Variants in FNDC1 observed in about 807,000 individuals in gnomAD.
The protein encoded by FNDC1 is fibronectin type III domain-containing protein 1.
In FNDC1, 96 loss-of-function variants were observed where a neutral mutation model predicts 168.0. That is an observed-to-expected ratio of 0.57 (90% confidence interval 0.48 to 0.68). The LOEUF is 0.68. Among genes scored for constraint, FNDC1 ranks in the 30% least tolerant of loss-of-function variants. The pLI is 0.00. For missense variants in FNDC1, 2,587 were observed against 2,482.1 expected (o/e 1.04, Z -0.90); for synonymous variants, 1,099 against 1,025.9 (o/e 1.07, Z -1.36).
chr6:159,244,517 TTGC>T (rs2115006809), intron 14 of FNDC1, among the ~76,000 whole-genome samples: 1 of 152,324 alleles, frequency 6.6e-6, no homozygotes. Flanking sequence ...CTACTCGAGG[TTGC>T]CATTGCCCTT....
Position 159,232,841 on chromosome 6 carries a change from G to T in FNDC1, c.2329G>T (p.Val777Phe), listed in dbSNP as rs372842036. The change falls in exon 11 of 23, where the codon GTC becomes TTC. Residue 777 changes from valine (V) to phenylalanine (F), a missense_variant. Physicochemically the swap from Val to Phe is conservative, Grantham distance 50. Coordinates refer to ENST00000297267, the MANE Select transcript of FNDC1 (RefSeq NM_032532.3). This position sits in a 1 kb window ranked among gnomAD's most constrained non-coding sequence, Gnocchi z 4.9. ...VSSHLSSRTQ[V>F]SEGAEASDGE... ...TTCTCATCTCTCGTCCAGGACGCAG[G>T]TCTCTGAGGGAGCGGAGGCTTCTGA... The T allele has an allele frequency of 6.2e-7, 1 of 1,613,770 alleles. No individual in the cohort carries two copies. The highest frequency in any genetic ancestry group is 1.3e-5 in the African/African-American group (1 of 74,942).
At chr6:159,215,467 G>A (rs201904328) in intron 5 of FNDC1, among the ~76,000 whole-genome samples, 1 of 152,162 alleles carries the variant, frequency 6.6e-6, no homozygotes, top group African/African-American at 2.4e-5. Context: ...GGCTGTTTTT[G>A]TCATTTTGTT....
rs1401247526 is a variant in FNDC1, at chr6:159,233,385, C to T, written c.2873C>T (p.Ala958Val). The T allele has an allele frequency of 4.3e-6, 7 of 1,613,640 alleles. No individual in the cohort carries two copies. Among genetic ancestry groups the T allele is most frequent in the Non-Finnish European group, 5.9e-6 (7 of 1,179,816 alleles). The change falls in exon 11 of 23, where the codon GCG becomes GTG. Residue 958 changes from alanine (A) to valine (V), a missense_variant. Coordinates refer to ENST00000297267, the MANE Select transcript of FNDC1 (RefSeq NM_032532.3). This position sits in a 1 kb window ranked among gnomAD's most constrained non-coding sequence, Gnocchi z 4.6. Reference protein sequence around the residue: ...KAQDVQQSTDADTEGHSPKAQ... With the variant: ...KAQDVQQSTDVDTEGHSPKAQ... ...CAGGATGTTCAACAGAGCACAGACG[C>T]GGACACGGAGGGTCATTCTCCCAAA...
At position 159,233,354 on chromosome 6, in the gene FNDC1, A is replaced by C; in HGVS notation, c.2842A>C (p.Lys948Gln). The change falls in exon 11 of 23, where the codon AAG (lysine) becomes CAG (glutamine). Residue 948 changes from lysine (K) to glutamine (Q), a missense_variant. Physicochemically the swap from Lys to Gln is moderately conservative, Grantham distance 53. Transcript: ENST00000297267. The surrounding 1 kb of genome is among the most constrained non-coding windows in gnomAD (Gnocchi z 4.6). ...PQGKYSSLAS[K>Q]AQDVQQSTDA... ...GGGCAAGTACTCCTCCCTGGCCTCCAAGGCTCAGGATGTTCAACAGAGCAC... is the reference window on the plus strand; with the variant it reads ...GGGCAAGTACTCCTCCCTGGCCTCCCAGGCTCAGGATGTTCAACAGAGCAC... 1 of 1,613,922 alleles carries C rather than the reference A, an allele frequency of 6.2e-7. No homozygotes were observed. Among genetic ancestry groups the C allele is most frequent in the Non-Finnish European group, 8.5e-7 (1 of 1,179,848 alleles).
rs200720425 is a variant in FNDC1, at chr6:159,229,836, C to T, written c.1202C>T (p.Pro401Leu). 289 of 1,612,760 alleles carry T rather than the reference C, an allele frequency of 1.8e-4. 1 individual carries two copies. Among genetic ancestry groups the T allele is most frequent in the Non-Finnish European group, 2.3e-4 (275 of 1,179,368 alleles). The change falls in exon 10 of 23, where the codon CCG becomes CTG. Residue 401 changes from proline (P) to leucine (L), a missense_variant. Pro to Leu is a moderately conservative substitution (Grantham distance 98, BLOSUM62 -3). Coordinates refer to ENST00000297267, the MANE Select transcript of FNDC1 (RefSeq NM_032532.3). ...KVKEYILSYAPALKPFGAKSL... is the reference protein window; with the variant it reads ...KVKEYILSYALALKPFGAKSL... ...TCAGAATACATTCTTTCATACGCCC[C>T]GGCTCTCAAACCATTTGGAGCAAAG... is the stretch of plus-strand genomic sequence containing the variant.
rs1349490350 is a variant in FNDC1 at position 159,195,106 on chromosome 6, T to G, written c.110-2325T>G. On this transcript the variant is annotated intron_variant, in intron 1 of 22. Transcript: ENST00000297267. ...GAGAACCTTAAATTCAGAGTTGATC[T>G]TATAAGGAGATTGACGGTAAGGTTG... is the stretch of plus-strand genomic sequence containing the variant. Among the ~76,000 whole-genome samples, 4 of 152,080 alleles carry G rather than the reference T, an allele frequency of 2.6e-5. No individual in the cohort carries two copies. The East Asian group carries it at 7.7e-4, about 29-fold the overall frequency.
Position 159,233,581 on chromosome 6 carries a change from CGCGGGTCGGTCACCT to C in FNDC1, c.3070_3084del (p.Ala1024_Pro1028del), listed in dbSNP as rs1562301023. 6.3e-7 allele frequency: 1 copy of C among 1,585,850 alleles called. No individual in the cohort carries two copies. Among genetic ancestry groups the C allele is most frequent in the Non-Finnish European group, 8.6e-7 (1 of 1,169,540 alleles). On this transcript the variant is annotated inframe_deletion, in exon 11 of 23. Coordinates refer to ENST00000297267, the MANE Select transcript of FNDC1 (RefSeq NM_032532.3). This position sits in a 1 kb window ranked among gnomAD's most constrained non-coding sequence, Gnocchi z 4.6. ...ACCACCCGGGACCCCAGAGCAGAGACGCGGGTCGGTCACCTTCCCAGCCCAGGCTCTCACTGACCC... is the reference window on the plus strand; with the variant it reads ...ACCACCCGGGACCCCAGAGCAGAGACTCCCAGCCCAGGCTCTCACTGACCC...
intron 1 of FNDC1, among the ~76,000 whole-genome samples, chr6:159,188,674 G>A (rs571115443): frequency 3.2e-4 from 48 of 151,940 alleles, no homozygotes; most frequent in Admixed American, 2.2e-3. Context: ...CACTGCGCCC[G>A]GCCGCCTCAA....
rs1159516066 is a variant in FNDC1 at position 159,215,540 on chromosome 6, G to A, written c.667+389G>A. Among the ~76,000 whole-genome samples the A allele has an allele frequency of 3.9e-5, 6 of 152,198 alleles. 1 individual carries two copies. The highest frequency in any genetic ancestry group is 2.0e-4 in the Admixed American group (3 of 15,292). ...CTTGGGTCCCATTAAGATGAGACAT[G>A]GTAGCCGAGTGAAACTGCAAGTCAG... On this transcript the variant is annotated intron_variant, in intron 5 of 22. Coordinates refer to ENST00000297267, the MANE Select transcript of FNDC1 (RefSeq NM_032532.3).
rs1783092786 is a variant in FNDC1, at chr6:159,232,039, G to C, written c.1527G>C (p.Leu509Phe). 1 of 1,613,798 alleles carries C rather than the reference G, an allele frequency of 6.2e-7. No homozygotes were observed. Among genetic ancestry groups the C allele is most frequent in the South Asian group, 1.1e-5 (1 of 91,074 alleles). The change falls in exon 11 of 23, where the codon TTG becomes TTC. Residue 509 changes from leucine (L) to phenylalanine (F), a missense_variant. Leu to Phe is a conservative substitution (Grantham distance 22). Transcript: ENST00000297267. The surrounding 1 kb of genome is among the most constrained non-coding windows in gnomAD (Gnocchi z 4.9). ...GRNAKDLLLD[L>F]KNKILANGGA... ...ATGCCAAGGACCTTCTTCTTGACTT[G>C]AAGAACAAAATATTGGCTAATGGTG...
rs1782682711 is a variant in FNDC1, at chr6:159,215,050, G to A, written c.566G>A (p.Arg189His). Residue 189 changes from arginine (R) to histidine (H), a missense_variant, in exon 5 of 23, where the codon CGC (arginine) becomes CAC (histidine). Physicochemically the swap from Arg to His is conservative, Grantham distance 29. Coordinates refer to ENST00000297267, the MANE Select transcript of FNDC1 (RefSeq NM_032532.3). ...CGCCTGTCTGGAGCCAAGAGTCCAC[G>A]CAGATCACGGGGTTTTCTCCTGGGC... is the stretch of plus-strand genomic sequence containing the variant. The part of the protein sequence containing the change: ...APRLSGAKSP[R>H]RSRGFLLGYG... 6 of 1,614,000 alleles carry A rather than the reference G, an allele frequency of 3.7e-6. 1 individual carries two copies. The East Asian group carries it at 1.3e-4, about 36-fold the overall frequency.
intron 4 of FNDC1, among the ~76,000 whole-genome samples, chr6:159,202,228 A>G (rs1005048989): frequency 6.6e-6 from 1 of 152,258 alleles, no homozygotes; most frequent in African/African-American, 2.4e-5. Context: ...TTAAAACAAC[A>G]ACAACGACAA....
chr6:159,219,975 T>G (rs1782786639), intron 5 of FNDC1, among the ~76,000 whole-genome samples: 1 of 152,196 alleles, frequency 6.6e-6, no homozygotes, highest in African/African-American at 2.4e-5. Context: ...ATATAGAAGC[T>G]TAGTTTGATG....
chr6:159,184,392 T>C (rs1195415236), intron 1 of FNDC1, among the ~76,000 whole-genome samples: 2 of 152,200 alleles, frequency 1.3e-5, no homozygotes, highest in African/African-American at 2.4e-5. Flanking sequence ...AAACTCTTAG[T>C]TTATTAGGTG....
intron 7 of FNDC1, among the ~76,000 whole-genome samples, chr6:159,224,597 T>C (rs1368692004): frequency 6.6e-6 from 1 of 152,204 alleles, no homozygotes; most frequent in East Asian, 1.9e-4. Flanking sequence ...AGCAATTCTC[T>C]CCCTAGCCAT....
At chr6:159,211,631 C>G (rs1236311032) in intron 4 of FNDC1, among the ~76,000 whole-genome samples, 1 of 152,010 alleles carries the variant, frequency 6.6e-6, no homozygotes, top group Non-Finnish European at 1.5e-5. Context: ...ATTCACGGCT[C>G]CCATTCTGAA....
rs1436260671 is a variant in FNDC1 at position 159,199,978 on chromosome 6, A to G, written c.305-18A>G. ...TGGAGATCTGAATTGGTGGCTTGAT[A>G]TGAACCGTATGTTTCAGAGCCGGGG... On this transcript the variant is annotated intron_variant, in intron 2 of 22. Coordinates refer to ENST00000297267, the MANE Select transcript of FNDC1 (RefSeq NM_032532.3). 1.3e-6 allele frequency: 2 copies of G among 1,591,794 alleles called. No homozygotes were observed. The highest frequency in any genetic ancestry group is 2.3e-5 in the East Asian group (1 of 44,166).
intron 1 of FNDC1, among the ~76,000 whole-genome samples, chr6:159,193,182 A>G (rs547000306): frequency 6.6e-6 from 1 of 152,222 alleles, no homozygotes; most frequent in South Asian, 2.1e-4. Flanking sequence ...CAATTAATAC[A>G]CAATTGGGAG....
Position 159,269,514 on chromosome 6 carries a change from GCATCCATCCATCCATC to G in FNDC1, c.5569+1629_5569+1644del, listed in dbSNP as rs1159382501. 6.0e-3 allele frequency among the ~76,000 whole-genome samples: 515 copies of G among 86,066 alleles called. 4 individuals carry two copies. The highest frequency in any genetic ancestry group is 7.0e-3 in the Non-Finnish European group (289 of 41,438). 56.5% of individuals were successfully genotyped at this position (86,066 alleles called of 152,430 possible). A position where few individuals can be genotyped will look rare whatever the true frequency, so the allele number is the denominator to read the frequency against. On this transcript the variant is annotated intron_variant, in intron 22 of 22. Coordinates refer to ENST00000297267, the MANE Select transcript of FNDC1 (RefSeq NM_032532.3). ...TCTATCTATCTATCCATCCATCCAT[GCATCCATCCATCCATC>G]CATCCATCCATCCATCCATCCATCC... is the stretch of plus-strand genomic sequence containing the variant.
Sources: allele counts gnomAD v4.1 joint callset (sites outside exome capture counted in the v4.1 genomes callset), GRCh38; gene constraint gnomAD v4.1.1; non-coding constraint Gnocchi (gnomAD v3.1); transcripts MANE v1.5; gene names NCBI Gene and HGNC (gene_info 2026-07-23, HGNC 2026-07-21).